EPHA6: variants seen among roughly 807,000 people sequenced by gnomAD.
The protein encoded by EPHA6 is EPH receptor A6, also known as ephrin type-A receptor 6.
In EPHA6, 50 loss-of-function variants were observed where a neutral mutation model predicts 112.0. The ratio of observed to expected loss-of-function variants is 0.45; its 90% confidence interval spans 0.36 to 0.56. The LOEUF (loss-of-function observed/expected upper bound fraction) is 0.56, where lower values mean the gene tolerates loss of function less well. Among genes scored for constraint, EPHA6 ranks in the 20% least tolerant of loss-of-function variants. The pLI is 0.00. For synonymous variants in EPHA6, 529 were observed against 490.7 expected, an observed-to-expected ratio of 1.08 and a Z score of -1.03; for missense variants, 1,280 against 1,417.4, an observed-to-expected ratio of 0.90 and a Z score of 1.56.
chr3:97,489,823 T>C (rs2091793663), intron 10 of EPHA6, among the ~76,000 whole-genome samples: 1 of 152,170 alleles, frequency 6.6e-6, no homozygotes, highest in Admixed American at 6.5e-5. Flanking sequence ...TTAAATAACG[T>C]AAAACTATTC....
intron 13 of EPHA6, among the ~76,000 whole-genome samples, chr3:97,632,057 TAATC>T (rs973262139): frequency 6.6e-6 from 1 of 152,046 alleles, no homozygotes; most frequent in African/African-American, 2.4e-5. Flanking sequence ...GTAGTAGTCA[TAATC>T]AGAGTCTTGT....
chr3:97,136,277 A>G (rs774555302), intron 3 of EPHA6, among the ~76,000 whole-genome samples: 2 of 152,238 alleles, frequency 1.3e-5, no homozygotes, highest in African/African-American at 2.4e-5. Flanking sequence ...TAGATATTAT[A>G]TAAAATATCT....
intron 5 of EPHA6, among the ~76,000 whole-genome samples, chr3:97,387,856 C>T (rs1323647037): frequency 6.6e-6 from 1 of 152,208 alleles, no homozygotes; most frequent in Non-Finnish European, 1.5e-5. Context: ...GCTTACAGTT[C>T]TGCAGGCTGT....
intron 3 of EPHA6, among the ~76,000 whole-genome samples, chr3:97,207,055 G>A (rs1287588922): frequency 4.6e-5 from 7 of 152,008 alleles, no homozygotes; most frequent in African/African-American, 1.7e-4. Context: ...CAACATAAAA[G>A]TGTATATTAC....
intron 11 of EPHA6, among the ~76,000 whole-genome samples, chr3:97,551,189 C>G (rs2093023976): frequency 6.6e-6 from 1 of 152,102 alleles, no homozygotes; most frequent in East Asian, 1.9e-4. Flanking sequence ...AAGACCACAG[C>G]AAATTCATCT....
chr3:96,828,892 G>A (rs2033835857), intron 1 of EPHA6, among the ~76,000 whole-genome samples: 1 of 152,122 alleles, frequency 6.6e-6, no homozygotes, highest in Non-Finnish European at 1.5e-5. Context: ...ATCACATGCT[G>A]TTACTGACAA....
chr3:96,941,144 C>T (rs1398541776), intron 2 of EPHA6, among the ~76,000 whole-genome samples: 1 of 152,118 alleles, frequency 6.6e-6, no homozygotes, highest in East Asian at 1.9e-4. Flanking sequence ...AAATGTTGGC[C>T]TGCCTTGCTA....
chr3:96,880,205 T>G (rs2037228184), intron 2 of EPHA6, among the ~76,000 whole-genome samples: 1 of 152,152 alleles, frequency 6.6e-6, no homozygotes, highest in Non-Finnish European at 1.5e-5. Context: ...ATACCTTGAT[T>G]TGATTATTAC....
At chr3:96,849,452 T>C (rs1289388581) in intron 1 of EPHA6, among the ~76,000 whole-genome samples, 2 of 152,152 alleles carry the variant, frequency 1.3e-5, no homozygotes, top group East Asian at 1.9e-4. Flanking sequence ...AAAACTTCCA[T>C]ATAACGTCAT....
At chr3:97,514,142 CT>C (rs1396989430) in intron 10 of EPHA6, among the ~76,000 whole-genome samples, 1 of 152,182 alleles carries the variant, frequency 6.6e-6, no homozygotes, top group Non-Finnish European at 1.5e-5. Flanking sequence ...ATCAGATTCA[CT>C]GGCTAAAATC....
chr3:96,899,820 A>G (rs551736897), intron 2 of EPHA6, among the ~76,000 whole-genome samples: 5 of 152,302 alleles, frequency 3.3e-5, no homozygotes, highest in East Asian at 3.9e-4. Flanking sequence ...GAATAAAAAC[A>G]TAGGGATTTT....
chr3:97,348,131 G>T (rs373795637), intron 5 of EPHA6, among the ~76,000 whole-genome samples: 1 of 151,994 alleles, frequency 6.6e-6, no homozygotes, highest in African/African-American at 2.4e-5. Context: ...GTGTGAAAAC[G>T]ACTGCAGGGA....
intron 5 of EPHA6, among the ~76,000 whole-genome samples, chr3:97,318,748 G>A (rs2081963736): frequency 6.6e-6 from 1 of 151,684 alleles, no homozygotes; most frequent in African/African-American, 2.4e-5. Flanking sequence ...GCTGTCCATG[G>A]TATTATATAA....
intron 5 of EPHA6, among the ~76,000 whole-genome samples, chr3:97,352,880 C>T (rs139988803): frequency 2.0e-3 from 303 of 152,224 alleles, no homozygotes; most frequent in African/African-American, 6.7e-3. Context: ...GGAGAGACTC[C>T]TTCCTTCAGC....
At chr3:96,888,576 G>A (rs1245572710) in intron 2 of EPHA6, among the ~76,000 whole-genome samples, 1 of 152,182 alleles carries the variant, frequency 6.6e-6, no homozygotes, top group East Asian at 1.9e-4. Flanking sequence ...TGAAGCCACA[G>A]CCTGAGCTCT....
intron 3 of EPHA6, among the ~76,000 whole-genome samples, chr3:97,206,488 T>C (rs1272834104): frequency 6.6e-6 from 1 of 152,092 alleles, no homozygotes; most frequent in African/African-American, 2.4e-5. Flanking sequence ...TTATATAGAA[T>C]TTTGTGATAC....
chr3:97,350,653 C>A (rs1466954032), intron 5 of EPHA6, among the ~76,000 whole-genome samples: 1 of 152,012 alleles, frequency 6.6e-6, no homozygotes, highest in Admixed American at 6.6e-5. Flanking sequence ...ACAGCCTAAT[C>A]AAGTGGGACA....
At position 96,883,168 on chromosome 3, in the gene EPHA6, C is replaced by G. The variant is rs142299146; in HGVS notation, c.450+16279C>G. On this transcript the variant is annotated intron_variant, in intron 2 of 17. Transcript: ENST00000389672. The stretch of plus-strand genomic sequence containing the variant: ...CATTGTGGTTTTGGTTTAAATTTCC[C>G]TGATCATTAGTAATTTTGAGCATTT... Among the ~76,000 whole-genome samples the G allele has an allele frequency of 4.4e-4, 67 of 152,222 alleles. No individual in the cohort carries two copies. The East Asian group carries it at 8.9e-3, about 20-fold the overall frequency.
intron 7 of EPHA6, among the ~76,000 whole-genome samples, chr3:97,455,959 G>A (rs2090670634): frequency 6.6e-6 from 1 of 151,910 alleles, no homozygotes; most frequent in South Asian, 2.1e-4. Flanking sequence ...ACCTTAATAT[G>A]AAAAATATTA....
Sources: gnomAD v4.1 joint callset for allele counts (sites outside exome capture counted in the v4.1 genomes callset) on GRCh38, gnomAD v4.1.1 for gene constraint, MANE v1.5 for transcripts, NCBI Gene and HGNC (gene_info 2026-07-23, HGNC 2026-07-21) for gene names.